ARFGEF1: variants seen among roughly 807,000 people sequenced by gnomAD.
The protein encoded by ARFGEF1 is ARF guanine nucleotide exchange factor 1.
Under a neutral mutation model 231.0 loss-of-function variants are expected in ARFGEF1, and 42 were observed. The ratio of observed to expected loss-of-function variants is 0.18; its 90% confidence interval spans 0.14 to 0.24. The LOEUF (loss-of-function observed/expected upper bound fraction) is 0.24. ARFGEF1 is among the 10% of genes least tolerant of loss of function. The pLI is 1.00. For synonymous variants in ARFGEF1, 710 were observed against 732.3 expected, an observed-to-expected ratio of 0.97 and a Z score of 0.49; for missense variants, 1,345 against 2,192.0, an observed-to-expected ratio of 0.61 and a Z score of 7.72.
chr8:67,330,173 A>G (rs60196076), intron 1 of ARFGEF1, among the ~76,000 whole-genome samples: 74,463 of 151,928 alleles, frequency 0.49, 20,597 homozygotes, highest in African/African-American at 0.77. Context: ...ATAATTTTGC[A>G]TATTAATTAC....
At position 67,287,995 on chromosome 8, in the gene ARFGEF1, T is replaced by C; in HGVS notation, c.987A>G (p.Val329=). 6.2e-7 allele frequency: 1 copy of C among 1,608,032 alleles called. No individual in the cohort carries two copies. Among genetic ancestry groups the C allele is most frequent in the Non-Finnish European group, 8.5e-7 (1 of 1,178,196 alleles). The change falls in exon 7 of 39, where the codon GTA becomes GTG. Residue 329 remains valine, a synonymous_variant. Transcript: ENST00000262215. The part of the protein sequence containing the change: ...HDCEEKPQDI[V]QNIVEEMVNI... Reference sequence around the variant, plus strand: ...TCACCATTTCTTCTACAATGTTCTGTACAATGTCTTGTGGCTTTTCCTCAC... The same window carrying C: ...TCACCATTTCTTCTACAATGTTCTGCACAATGTCTTGTGGCTTTTCCTCAC...
downstream of ARFGEF1, chr8:67,195,370 TG>T: frequency 6.2e-7 from 1 of 1,604,888 alleles, no homozygotes; most frequent in Non-Finnish European, 8.5e-7. Context: ...ACGTGTCCCT[TG>T]CCTCCTGTAG....
At chr8:67,270,188 C>T (rs897540684) in intron 10 of ARFGEF1, among the ~76,000 whole-genome samples, 4 of 152,122 alleles carry the variant, frequency 2.6e-5, no homozygotes, top group Admixed American at 2.0e-4. Flanking sequence ...AGTTAAACGC[C>T]TTGTATTATC....
intron 19 of ARFGEF1, among the ~76,000 whole-genome samples, chr8:67,250,037 A>T (rs1280958375): frequency 6.6e-6 from 1 of 152,228 alleles, no homozygotes; most frequent in Non-Finnish European, 1.5e-5. Context: ...ATGTTCTAGA[A>T]ACCAAAAGAA....
At chr8:67,285,989 A>G (rs1805741180) in intron 7 of ARFGEF1, among the ~76,000 whole-genome samples, 1 of 152,028 alleles carries the variant, frequency 6.6e-6, no homozygotes, top group African/African-American at 2.4e-5. Flanking sequence ...TTTAGAAAAG[A>G]AAAAAAAGGA....
chr8:67,198,474 C>T lies in ARFGEF1; in HGVS notation c.*460G>A, dbSNP rs1418803630. On this transcript the variant is annotated 3_prime_UTR_variant, in exon 39 of 39. Transcript: ENST00000262215. ...TGCAAAAATCTTCAGAATAAGAATA[C>T]CATAGTTGCTAAATATCTTTTACCA... is the stretch of plus-strand genomic sequence containing the variant. The T allele has an allele frequency of 2.0e-6, 2 of 988,802 alleles. No homozygotes were observed. The highest frequency in any genetic ancestry group is 1.2e-4 in the Admixed American group (2 of 16,460). The allele number at this position is 988,802 out of a possible 1,614,324, so 61.3% of individuals were successfully genotyped here.
At chr8:67,328,771 AT>A (rs1371831079) in intron 1 of ARFGEF1, among the ~76,000 whole-genome samples, 1 of 152,216 alleles carries the variant, frequency 6.6e-6, no homozygotes, top group Non-Finnish European at 1.5e-5. Context: ...AACTGTTTGA[AT>A]TGAGTTAAAA....
In ARFGEF1 at chr8:67,288,869, A is replaced by C. The variant is rs1805874853; in HGVS notation, c.917-804T>G. 2.6e-5 allele frequency among the ~76,000 whole-genome samples: 4 copies of C among 152,134 alleles called. No homozygotes were observed. In the South Asian group the frequency reaches 8.3e-4, roughly 31 times the overall value. ...ACTTTCTGGCCCTTCCTATTTTTTC[A>C]CCAACATAATCTACATATCTAATGT... On this transcript the variant is annotated intron_variant, in intron 6 of 38. Coordinates refer to ENST00000262215, the MANE Select transcript of ARFGEF1 (RefSeq NM_006421.5).
At chr8:67,324,569 G>T (rs72654966) in intron 1 of ARFGEF1, among the ~76,000 whole-genome samples, 2,332 of 152,240 alleles carry the variant, frequency 0.015, 31 homozygotes, top group Non-Finnish European at 0.024. Flanking sequence ...CTCCTGAAAA[G>T]AACTTATCAA....
At chr8:67,287,250 C>T (rs550686809) in intron 7 of ARFGEF1, among the ~76,000 whole-genome samples, 50 of 152,258 alleles carry the variant, frequency 3.3e-4, no homozygotes, top group Admixed American at 7.8e-4. Flanking sequence ...CTGGAATTTT[C>T]GTACATGGTA....
At chr8:67,189,088 A>T (rs1341053768) in intron 5 of ARFGEF1, among the ~76,000 whole-genome samples, 3 of 152,202 alleles carry the variant, frequency 2.0e-5, no homozygotes, top group Non-Finnish European at 4.4e-5. Flanking sequence ...CATACCTGCT[A>T]GAATGGCCAG....
At position 67,243,558 on chromosome 8, in the gene ARFGEF1, G is replaced by A. The variant is rs541259645; in HGVS notation, c.2851-3268C>T. ...CTCATGACACATGGGAATTATGGGA[G>A]CTACAATTCAAGACTGGTAAGGATA... On this transcript the variant is annotated intron_variant, in intron 19 of 38. Coordinates refer to ENST00000262215, the MANE Select transcript of ARFGEF1 (RefSeq NM_006421.5). Among the ~76,000 whole-genome samples the A allele has an allele frequency of 3.0e-4, 45 of 152,172 alleles. 1 individual carries two copies. The highest frequency in any genetic ancestry group is 6.0e-4 in the Non-Finnish European group (41 of 68,034).
intron 1 of ARFGEF1, among the ~76,000 whole-genome samples, chr8:67,332,916 T>C (rs909098157): frequency 2.0e-5 from 3 of 152,188 alleles, no homozygotes; most frequent in Admixed American, 2.0e-4. Context: ...TATAGGGTTG[T>C]TCTGAGGACT....
intron 5 of ARFGEF1, among the ~76,000 whole-genome samples, chr8:67,187,195 A>T (rs920152133): frequency 1.3e-5 from 2 of 152,230 alleles, no homozygotes; most frequent in Admixed American, 1.3e-4. Flanking sequence ...CCAGCAAGTT[A>T]TTATGTGGAT....
At chr8:67,207,547 G>T (rs1838565918) in intron 34 of ARFGEF1, among the ~76,000 whole-genome samples, 1 of 152,216 alleles carries the variant, frequency 6.6e-6, no homozygotes, top group Non-Finnish European at 1.5e-5. Flanking sequence ...GTCTGACACT[G>T]CCAGGGTTAT....
chr8:67,210,341 G>C (rs1476954200), intron 34 of ARFGEF1, among the ~76,000 whole-genome samples: 1 of 149,466 alleles, frequency 6.7e-6, no homozygotes, highest in Non-Finnish European at 1.5e-5. Flanking sequence ...TTAGCTGGGC[G>C]TGATGAGGTG....
Position 67,241,469 on chromosome 8 carries a change from G to A in ARFGEF1, c.2851-1179C>T, listed in dbSNP as rs532889143. 1.3e-4 allele frequency among the ~76,000 whole-genome samples: 20 copies of A among 151,886 alleles called. No homozygotes were observed. The South Asian group carries it at 3.7e-3, about 28-fold the overall frequency. Reference sequence around the variant, plus strand: ...AGAAGAGATACAAACGGTTCTTAAGGCAGTGAAAAAAAAAATGTTTAACTC... The same window carrying A: ...AGAAGAGATACAAACGGTTCTTAAGACAGTGAAAAAAAAAATGTTTAACTC... On this transcript the variant is annotated intron_variant, in intron 19 of 38. Coordinates refer to ENST00000262215, the MANE Select transcript of ARFGEF1 (RefSeq NM_006421.5).
intron 1 of ARFGEF1, among the ~76,000 whole-genome samples, chr8:67,330,445 T>C (rs1446237721): frequency 6.6e-6 from 1 of 152,040 alleles, no homozygotes; most frequent in Non-Finnish European, 1.5e-5. Context: ...AAGAACAAAA[T>C]ACCTTCACTT....
At chr8:67,233,073 T>C in intron 22 of ARFGEF1, 128 bp from the exon 23 acceptor site, 1 of 752,160 alleles carries the variant, frequency 1.3e-6, no homozygotes, top group Non-Finnish European at 2.1e-6. Flanking sequence ...AGGTGAACAA[T>C]TCTTTTGATA....
Sources: gnomAD v4.1 joint callset for allele counts (sites outside exome capture counted in the v4.1 genomes callset) on GRCh38, gnomAD v4.1.1 for gene constraint, MANE v1.5 for transcripts, NCBI Gene and HGNC (gene_info 2026-07-23, HGNC 2026-07-21) for gene names.